CTSC: variants seen among roughly 807,000 people sequenced by gnomAD.
The protein encoded by CTSC is cathepsin C.
In CTSC, 37 loss-of-function variants were observed where a neutral mutation model predicts 40.9. The ratio of observed to expected loss-of-function variants is 0.91; its 90% CI spans 0.70 to 1.19. The LOEUF (loss-of-function observed/expected upper bound fraction) is 1.19. CTSC is among the 50% of genes most tolerant of loss of function. The pLI is 0.00. For synonymous variants in CTSC, 232 were observed against 207.4 expected (o/e 1.12, Z -1.02); for missense variants, 594 against 567.3 (o/e 1.05, Z -0.48).
At chr11:88,310,851 G>A (rs780595922) in intron 3 of CTSC, among the ~76,000 whole-genome samples, 5 of 152,030 alleles carry the variant, frequency 3.3e-5, no homozygotes, top group African/African-American at 4.8e-5. Context: ...TTCCCACAAC[G>A]CCAGTCAATA....
intron 2 of CTSC, among the ~76,000 whole-genome samples, chr11:88,329,408 G>C (rs1475643276): frequency 7.6e-6 from 1 of 131,364 alleles, no homozygotes; most frequent in Non-Finnish European, 1.5e-5. Context: ...CTTAAACCCA[G>C]GAGGTGGAAG....
At chr11:88,326,286 G>T (rs749064946) in intron 2 of CTSC, 191 of 1,597,478 alleles carry the variant, frequency 1.2e-4, no homozygotes, top group Non-Finnish European at 1.6e-4. Context: ...CATTTTGCAT[G>T]CAAATAAAGA....
intron 5 of CTSC, chr11:88,299,518 T>C (rs999009861): frequency 6.6e-6 from 1 of 152,186 alleles, no homozygotes; most frequent in Non-Finnish European, 1.5e-5. Flanking sequence ...CTGGCTGTTA[T>C]AAGACCCACT....
intron 2 of CTSC, chr11:88,324,427 G>C: frequency 1.0e-6 from 1 of 980,604 alleles, no homozygotes. Context: ...AAGGTAACCT[G>C]ATAATATTCT....
chr11:88,299,235 C>T (rs1944331366), intron 5 of CTSC: 1 of 152,156 alleles, frequency 6.6e-6, no homozygotes, highest in African/African-American at 2.4e-5. Context: ...TGAATTAATC[C>T]TCTCAGGCAC....
chr11:88,320,537 T>C (rs1226102922), intron 2 of CTSC, among the ~76,000 whole-genome samples: 1 of 152,246 alleles, frequency 6.6e-6, no homozygotes, highest in Non-Finnish European at 1.5e-5. Flanking sequence ...GGGGAACCCC[T>C]GCAGTCAGAA....
intron 5 of CTSC, chr11:88,299,742 T>A (rs902674050): frequency 6.6e-6 from 1 of 152,194 alleles, no homozygotes; most frequent in Non-Finnish European, 1.5e-5. Flanking sequence ...TATTTTATAG[T>A]AACAAATCAG....
At chr11:88,311,345 CT>C (rs2134784954) in intron 3 of CTSC, among the ~76,000 whole-genome samples, 1 of 152,302 alleles carries the variant, frequency 6.6e-6, no homozygotes, top group African/African-American at 2.4e-5. Flanking sequence ...TGCCCAGCAC[CT>C]TTGCAGACAA....
intron 2 of CTSC, chr11:88,324,746 C>T (rs1038962816): frequency 3.3e-5 from 33 of 985,176 alleles, no homozygotes; most frequent in Admixed American, 2.5e-4. Flanking sequence ...TCTGATGTTT[C>T]TCACGGTAAT....
chr11:88,320,883 A>G, intron 2 of CTSC: 1 of 853,062 alleles, frequency 1.2e-6, no homozygotes, highest in Non-Finnish European at 1.4e-6. Context: ...CGTGTAATAC[A>G]TAGGGAATCA....
intron 2 of CTSC, among the ~76,000 whole-genome samples, chr11:88,330,735 A>T (rs1591243691): frequency 6.6e-6 from 1 of 152,174 alleles, no homozygotes; most frequent in East Asian, 1.9e-4. Flanking sequence ...TATTCCTTCC[A>T]AACTTTTATC....
At chr11:88,309,123 A>G in intron 4 of CTSC, 40 bp downstream of exon 4, 5 of 1,585,670 alleles carry the variant, frequency 3.2e-6, no homozygotes, top group Non-Finnish European at 4.3e-6. Context: ...GGTATTCAGC[A>G]TTCATATTTT....
intron 4 of CTSC, among the ~76,000 whole-genome samples, chr11:88,302,139 T>C (rs999946539): frequency 6.6e-6 from 1 of 152,226 alleles, no homozygotes; most frequent in African/African-American, 2.4e-5. Context: ...CTATAAACTA[T>C]TTGAATTTCT....
chr11:88,332,698 C>T (rs1199547901), intron 2 of CTSC, among the ~76,000 whole-genome samples: 1 of 152,136 alleles, frequency 6.6e-6, no homozygotes. Context: ...AACTACTGAC[C>T]AGAGTGGTTG....
At chr11:88,301,481 T>C (rs897211830) in intron 4 of CTSC, among the ~76,000 whole-genome samples, 2 of 152,190 alleles carry the variant, frequency 1.3e-5, no homozygotes, top group African/African-American at 4.8e-5. Context: ...TCATTTTCAA[T>C]AAATCTCCGC....
chr11:88,325,122 C>T, intron 2 of CTSC: 6 of 985,304 alleles, frequency 6.1e-6, no homozygotes, highest in Non-Finnish European at 7.2e-6. Flanking sequence ...GAGCAGGAAA[C>T]AAGACCATTA....
At chr11:88,295,318 C>G (rs1944285900) in intron 6 of CTSC, among the ~76,000 whole-genome samples, 2 of 152,128 alleles carry the variant, frequency 1.3e-5, no homozygotes, top group Non-Finnish European at 2.9e-5. Flanking sequence ...GTTTCTCCCT[C>G]AATCAATTAT....
chr11:88,321,428 A>C (rs1220895959), intron 2 of CTSC: 1 of 152,126 alleles, frequency 6.6e-6, no homozygotes, highest in Non-Finnish European at 1.5e-5. Context: ...GCTCTCCCTC[A>C]GCTTGACCCC....
At chr11:88,331,700 A>G (rs563281110) in intron 2 of CTSC, among the ~76,000 whole-genome samples, 1 of 152,300 alleles carries the variant, frequency 6.6e-6, no homozygotes, top group South Asian at 2.1e-4. Context: ...GGTTATAAGG[A>G]CATGATCTAA....
Sources: allele counts gnomAD v4.1 joint callset (sites outside exome capture counted in the v4.1 genomes callset), GRCh38; gene constraint gnomAD v4.1.1; transcripts MANE v1.5; gene names NCBI Gene and HGNC (gene_info 2026-07-23, HGNC 2026-07-21).